The following EYS variants were observed in gnomAD, a reference collection of about 807,000 sequenced individuals.
The protein encoded by EYS is protein eyes shut homolog.
Under a neutral mutation model 282.1 loss-of-function variants are expected in EYS, and 250 were observed. The observed-to-expected ratio is 0.89, with a 90% CI of 0.80 to 0.98. The LOEUF is 0.98. Among genes scored for constraint, EYS ranks in the 50% least tolerant of loss-of-function variants. EYS has a pLI of 0.00. For synonymous variants in EYS, 1,355 were observed against 1,282.9 expected, an observed-to-expected ratio of 1.06 and a Z score of -1.20; for missense variants, 4,016 against 3,709.0, an observed-to-expected ratio of 1.08 and a Z score of -2.15.
chr6:65,633,902 T>C (rs1409502728), intron 2 of EYS, among the ~76,000 whole-genome samples: 1 of 152,230 alleles, frequency 6.6e-6, no homozygotes, highest in African/African-American at 2.4e-5. Context: ...AAAGGTCACA[T>C]GGTCCCAAAG....
intron 35 of EYS, among the ~76,000 whole-genome samples, chr6:63,882,479 T>TATTC (rs899083681): frequency 3.3e-5 from 5 of 152,228 alleles, no homozygotes; most frequent in Non-Finnish European, 5.9e-5. Flanking sequence ...TTGCTTTATT[T>TATTC]ATTCATTCAT....
intron 1 of EYS, among the ~76,000 whole-genome samples, chr6:65,680,382 A>G (rs1768774697): frequency 6.6e-6 from 1 of 151,982 alleles, no homozygotes; most frequent in Admixed American, 6.6e-5. Flanking sequence ...CCTCAGAAAT[A>G]GCAAAAAAAT....
At chr6:63,783,579 T>C (rs186033958) in intron 39 of EYS, among the ~76,000 whole-genome samples, 1 of 152,324 alleles carries the variant, frequency 6.6e-6, no homozygotes, top group East Asian at 1.9e-4. Context: ...ATTCTCTAGG[T>C]ATATAATTAT....
chr6:65,474,228 G>C (rs1483419655), intron 5 of EYS, among the ~76,000 whole-genome samples: 1 of 152,088 alleles, frequency 6.6e-6, no homozygotes, highest in African/African-American at 2.4e-5. Context: ...AAATGCAACT[G>C]TTAGCTTAGA....
intron 2 of EYS, among the ~76,000 whole-genome samples, chr6:65,496,316 A>C (rs1288316852): frequency 6.6e-6 from 1 of 152,142 alleles, no homozygotes; most frequent in Non-Finnish European, 1.5e-5. Context: ...TCAGCCCATC[A>C]ATTCTGTTGT....
intron 13 of EYS, among the ~76,000 whole-genome samples, chr6:65,038,172 G>A (rs560678718): frequency 4.3e-4 from 65 of 151,612 alleles, no homozygotes; most frequent in Middle Eastern, 3.4e-3. Context: ...CTAAACGTAT[G>A]TAGATTAGAT....
chr6:65,021,886 G>C (rs776877335), intron 13 of EYS, among the ~76,000 whole-genome samples: 1 of 152,092 alleles, frequency 6.6e-6, no homozygotes, highest in Admixed American at 6.5e-5. Flanking sequence ...GAGCAAAAGA[G>C]GGGAAAGCCC....
intron 12 of EYS, among the ~76,000 whole-genome samples, chr6:65,266,912 C>T (rs1419749127): frequency 7.4e-6 from 1 of 135,516 alleles, no homozygotes; most frequent in Non-Finnish European, 1.6e-5. Context: ...ATATATACAT[C>T]TTGAGACATA....
chr6:65,236,329 G>A (rs1296332060), intron 12 of EYS, among the ~76,000 whole-genome samples: 1 of 152,056 alleles, frequency 6.6e-6, no homozygotes, highest in Non-Finnish European at 1.5e-5. Context: ...CCCGTAAAAT[G>A]GGTCTGGCAC....
chr6:65,015,661 GA>G (rs1313827109), intron 13 of EYS, among the ~76,000 whole-genome samples: 1 of 151,804 alleles, frequency 6.6e-6, no homozygotes. Context: ...TATTTGGTAG[GA>G]AAAATTAAAA....
In EYS at chr6:63,862,245, T is replaced by C. The variant is rs1228864150; in HGVS notation, c.7228+1941A>G. 2.6e-5 allele frequency among the ~76,000 whole-genome samples: 4 copies of C among 152,342 alleles called. No homozygotes were observed. In the East Asian group the frequency reaches 7.7e-4, roughly 29 times the overall value. On this transcript the variant is annotated intron_variant, in intron 36 of 42. Coordinates refer to ENST00000503581, the MANE Select transcript of EYS (RefSeq NM_001142800.2). ...AAATTTTGTATTGTGTTTTGAGCCATTTTTATTTTCTTTTTATCTTTTCAA... is the reference window on the plus strand; with the variant it reads ...AAATTTTGTATTGTGTTTTGAGCCACTTTTATTTTCTTTTTATCTTTTCAA...
At chr6:65,583,276 C>T (rs1764931957) in intron 2 of EYS, among the ~76,000 whole-genome samples, 1 of 151,556 alleles carries the variant, frequency 6.6e-6, no homozygotes, top group Non-Finnish European at 1.5e-5. Flanking sequence ...AACTAATTTG[C>T]CGTAAGAAGA....
chr6:65,366,970 A>G (rs1255475991), intron 8 of EYS, among the ~76,000 whole-genome samples: 1 of 151,600 alleles, frequency 6.6e-6, no homozygotes, highest in Non-Finnish European at 1.5e-5. Context: ...CTCTGTGATT[A>G]TATCAGGCCC....
chr6:65,256,429 C>T (rs1199113738), intron 12 of EYS, among the ~76,000 whole-genome samples: 6 of 138,506 alleles, frequency 4.3e-5, no homozygotes, highest in Non-Finnish European at 9.3e-5. Flanking sequence ...CTCCCCCCTC[C>T]CCACCACAGT....
At chr6:65,325,828 C>T (rs1315767957) in intron 11 of EYS, among the ~76,000 whole-genome samples, 2 of 152,056 alleles carry the variant, frequency 1.3e-5, no homozygotes, top group Non-Finnish European at 2.9e-5. Flanking sequence ...ATTCTTATTT[C>T]AATCTTTCAC....
At chr6:65,391,431 A>T (rs1766026975) in intron 7 of EYS, among the ~76,000 whole-genome samples, 1 of 152,182 alleles carries the variant, frequency 6.6e-6, no homozygotes, top group Non-Finnish European at 1.5e-5. Flanking sequence ...CCATTGTCTC[A>T]GCCCAAAACC....
chr6:64,447,201 CT>C (rs1483014270), intron 26 of EYS, among the ~76,000 whole-genome samples: 3 of 151,692 alleles, frequency 2.0e-5, no homozygotes, highest in African/African-American at 7.3e-5. Context: ...AAACTTGTGT[CT>C]CTTTGTGTTA....
chr6:64,431,059 G>A (rs1367534198), intron 28 of EYS, among the ~76,000 whole-genome samples: 1 of 152,020 alleles, frequency 6.6e-6, no homozygotes, highest in Non-Finnish European at 1.5e-5. Flanking sequence ...CAGAGTAGAG[G>A]GCCATTTGCC....
At chr6:65,317,208 T>C (rs1314648021) in intron 11 of EYS, among the ~76,000 whole-genome samples, 3 of 152,212 alleles carry the variant, frequency 2.0e-5, no homozygotes, top group Non-Finnish European at 4.4e-5. Context: ...CCTAGATCTT[T>C]GTGGAGAGAT....
Sources: gnomAD v4.1 joint callset for allele counts (sites outside exome capture counted in the v4.1 genomes callset) on GRCh38, gnomAD v4.1.1 for gene constraint, MANE v1.5 for transcripts, NCBI Gene and HGNC (gene_info 2026-07-23, HGNC 2026-07-21) for gene names.